Variants in CACNA1C observed in about 807,000 individuals in gnomAD.
CACNA1C encodes the protein calcium voltage-gated channel subunit alpha1 C, also known as voltage-dependent L-type calcium channel subunit alpha-1C.
A neutral mutation model predicts 229.0 loss-of-function variants in CACNA1C; 30 were observed. The ratio of observed to expected loss-of-function variants is 0.13; its 90% CI spans 0.10 to 0.18. CACNA1C has a LOEUF of 0.18. CACNA1C is among the 10% of genes least tolerant of loss of function. The pLI, the probability that CACNA1C is intolerant of heterozygous loss-of-function variation, is 1.00. For missense variants in CACNA1C, 1,658 were observed against 2,845.0 expected (o/e 0.58, Z 9.49); for synonymous variants, 1,114 against 1,132.5 (o/e 0.98, Z 0.33).
chr12:2,502,377 C>G (rs1250939041), intron 7 of CACNA1C, among the ~76,000 whole-genome samples: 2 of 152,220 alleles, frequency 1.3e-5, no homozygotes, highest in African/African-American at 4.8e-5. Flanking sequence ...AGCTCACATT[C>G]TAGCATGGAA....
intron 3 of CACNA1C, among the ~76,000 whole-genome samples, chr12:2,377,470 G>A (rs918399417): frequency 3.9e-5 from 6 of 152,160 alleles, no homozygotes; most frequent in African/African-American, 1.4e-4. Flanking sequence ...CCTTACAGCG[G>A]CTATCACAGG....
chr12:2,142,913 G>C (rs908702807), intron 3 of CACNA1C, among the ~76,000 whole-genome samples: 10 of 151,284 alleles, frequency 6.6e-5, no homozygotes, highest in African/African-American at 2.2e-4. Flanking sequence ...TAAAAGGTTT[G>C]TAAAGTAGAA....
At chr12:2,337,526 A>T (rs2096735555) in intron 3 of CACNA1C, among the ~76,000 whole-genome samples, 1 of 152,174 alleles carries the variant, frequency 6.6e-6, no homozygotes, top group African/African-American at 2.4e-5. Context: ...AAAGCTCCTG[A>T]ATCTCTTCCC....
intron 1 of CACNA1C, among the ~76,000 whole-genome samples, chr12:2,092,551 G>A (rs953997239): frequency 1.3e-5 from 2 of 152,180 alleles, no homozygotes; most frequent in Non-Finnish European, 2.9e-5. Flanking sequence ...CAGGTGGCCC[G>A]ACTCTCCTCT....
At chr12:2,625,604 A>G (rs1442551137) in intron 29 of CACNA1C, among the ~76,000 whole-genome samples, 1 of 152,058 alleles carries the variant, frequency 6.6e-6, no homozygotes, top group African/African-American at 2.4e-5. Context: ...GCAATCAGTG[A>G]GCACGTTCTC....
At chr12:2,263,925 G>A (rs1216799348) in intron 3 of CACNA1C, among the ~76,000 whole-genome samples, 2 of 152,168 alleles carry the variant, frequency 1.3e-5, no homozygotes, top group African/African-American at 4.8e-5. Flanking sequence ...AGGAAAGAGG[G>A]AAACAGCAGC....
rs542083676 is a variant in CACNA1C, at chr12:2,488,973, A to G, written c.916+2711A>G. ...GTGGGCAGTGCAGACAAGGAGGGAA[A>G]ATACGCGAGAACCCAGACATGTCTG... is the stretch of plus-strand genomic sequence containing the variant. On this transcript the variant is annotated intron_variant, in intron 6 of 46. Transcript: ENST00000399655. This position sits in a 1 kb window ranked among gnomAD's most constrained non-coding sequence, Gnocchi z 4.0. Among the ~76,000 whole-genome samples the G allele has an allele frequency of 6.6e-6, 1 of 152,350 alleles. No homozygotes were observed. Among genetic ancestry groups the G allele is most frequent in the South Asian group, 2.1e-4 (1 of 4,828 alleles).
intron 1 of CACNA1C, among the ~76,000 whole-genome samples, chr12:2,010,394 C>G (rs2044199059): frequency 6.6e-6 from 1 of 151,948 alleles, no homozygotes; most frequent in South Asian, 2.1e-4. Flanking sequence ...AGGCAGACAT[C>G]TACCAGGGGG....
intron 1 of CACNA1C, among the ~76,000 whole-genome samples, chr12:2,039,218 A>T (rs2049671848): frequency 6.6e-6 from 1 of 152,160 alleles, no homozygotes; most frequent in African/African-American, 2.4e-5. Context: ...TGATGAGAGG[A>T]CAAGTGTAAC....
At chr12:2,260,104 T>C (rs1394798249) in intron 3 of CACNA1C, among the ~76,000 whole-genome samples, 3 of 152,192 alleles carry the variant, frequency 2.0e-5, no homozygotes, top group African/African-American at 4.8e-5. Context: ...ACCGACATCC[T>C]GCACCTCCAC....
intron 7 of CACNA1C, among the ~76,000 whole-genome samples, chr12:2,495,060 C>G (rs2099743882): frequency 6.6e-6 from 1 of 152,142 alleles, no homozygotes; most frequent in Non-Finnish European, 1.5e-5. Flanking sequence ...GTGATACTTT[C>G]AAAAAGAAGA....
chr12:2,339,213 GTAC>G, intron 3 of CACNA1C, among the ~76,000 whole-genome samples: 1 of 152,348 alleles, frequency 6.6e-6, no homozygotes, highest in Non-Finnish European at 1.5e-5. Flanking sequence ...CTGTACTTCA[GTAC>G]TGTAAGCAAT....
rs192137330 is a variant in CACNA1C at position 2,595,813 on chromosome 12, G to A, written c.2664-61G>A. 246 of 1,568,440 alleles carry A rather than the reference G, an allele frequency of 1.6e-4. No homozygotes were observed. Among genetic ancestry groups the A allele is most frequent in the East Asian group, 6.8e-4 (30 of 44,044 alleles). On this transcript the variant is annotated intron_variant, in intron 19 of 46. Transcript: ENST00000399655. This position sits in a 1 kb window ranked among gnomAD's most constrained non-coding sequence, Gnocchi z 4.1. The stretch of plus-strand genomic sequence containing the variant: ...CTGAGGAGAGGGGCTCCCAAGAGCC[G>A]ACTGGTGCTTCCCCTTGTCTGCCTT...
chr12:2,020,684 TG>T (rs1299924697), intron 1 of CACNA1C, among the ~76,000 whole-genome samples: 2 of 152,070 alleles, frequency 1.3e-5, no homozygotes, highest in African/African-American at 4.8e-5. Flanking sequence ...TGGAGGGCCA[TG>T]GGAGGAATAA....
At chr12:2,042,463 G>C (rs971963955) in intron 1 of CACNA1C, among the ~76,000 whole-genome samples, 2 of 152,130 alleles carry the variant, frequency 1.3e-5, no homozygotes, top group Non-Finnish European at 2.9e-5. Flanking sequence ...AATATAAAAT[G>C]TACCAGAAAT....
intron 30 of CACNA1C, among the ~76,000 whole-genome samples, chr12:2,644,201 C>T (rs2094083731): frequency 1.3e-5 from 2 of 152,222 alleles, no homozygotes; most frequent in Admixed American, 1.3e-4. Flanking sequence ...ATAGCATTGT[C>T]TCAATGGCAG....
intron 3 of CACNA1C, among the ~76,000 whole-genome samples, chr12:2,228,117 T>G (rs913384919): frequency 2.6e-5 from 4 of 152,180 alleles, no homozygotes; most frequent in African/African-American, 9.7e-5. Context: ...CACTTAGGGT[T>G]GCATTCTTGT....
chr12:2,606,774 C>T (rs570843545), intron 25 of CACNA1C, 111 bp downstream of exon 25: 50 of 1,006,670 alleles, frequency 5.0e-5, no homozygotes, highest in Non-Finnish European at 6.6e-5. Context: ...GTGGCACCTG[C>T]GCTCTGCCTG....
In CACNA1C at chr12:2,608,495, C is replaced by G. The variant is rs201876309; in HGVS notation, c.3357-16C>G. The G allele has an allele frequency of 3.1e-6, 5 of 1,590,088 alleles. No individual in the cohort carries two copies. In the Admixed American group the frequency reaches 7.0e-5, roughly 22 times the overall value. On this transcript the variant is annotated splice_polypyrimidine_tract_variant and intron_variant, in intron 26 of 46. Transcript: ENST00000399655. The surrounding 1 kb of genome is among the most constrained non-coding windows in gnomAD (Gnocchi z 4.2). ...GCTTCTCCAGTTCCCTCTGTGGGAC[C>G]TGTCTCCTCCTGCAGGCTGCTGTAC...
Sources: gnomAD v4.1 joint callset for allele counts (sites outside exome capture counted in the v4.1 genomes callset) on GRCh38, gnomAD v4.1.1 for gene constraint, Gnocchi (gnomAD v3.1) non-coding constraint, MANE v1.5 for transcripts, NCBI Gene and HGNC (gene_info 2026-07-23, HGNC 2026-07-21) for gene names.